ADGRF5: variants seen among roughly 807,000 people sequenced by gnomAD.
ADGRF5 encodes G-protein coupled receptor 116.
A neutral mutation model predicts 132.3 loss-of-function variants in ADGRF5; 75 were observed. The observed-to-expected ratio is 0.57, with a 90% CI of 0.47 to 0.69. The LOEUF is 0.69. Ranked by LOEUF, ADGRF5 falls within the 30% of genes least tolerant of loss-of-function variation. ADGRF5 has a pLI of 0.00. For missense variants in ADGRF5, 1,516 were observed against 1,630.6 expected, an observed-to-expected ratio of 0.93 and a Z score of 1.21; for synonymous variants, 629 against 597.6, an observed-to-expected ratio of 1.05 and a Z score of -0.77.
At chr6:46,860,952 C>A (rs1025462105) in intron 15 of ADGRF5, 58 bp from the exon 16 acceptor site, 4 of 1,354,980 alleles carry the variant, frequency 3.0e-6, no homozygotes, top group Admixed American at 4.3e-5. Flanking sequence ...GCTATCGAAT[C>A]CAGCTGATCC....
At chr6:46,889,542 C>CTA (rs1341319406) in intron 3 of ADGRF5, among the ~76,000 whole-genome samples, 19 of 116,906 alleles carry the variant, frequency 1.6e-4, no homozygotes, top group African/African-American at 5.9e-4. Flanking sequence ...TATATAGACA[C>CTA]TATATATATA....
At chr6:46,870,931 C>G (rs1326120009) in intron 11 of ADGRF5, 1 of 336,416 alleles carries the variant, frequency 3.0e-6, no homozygotes, top group East Asian at 1.1e-4. Context: ...TTTGTTAAAA[C>G]TAGGAATGCA....
At chr6:46,862,708 T>TTTTTTTTTTTTTTTTTTTTG in intron 15 of ADGRF5, among the ~76,000 whole-genome samples, 180 bp downstream of exon 15, 1 of 134,630 alleles carries the variant, frequency 7.4e-6, no homozygotes, top group African/African-American at 2.8e-5. Context: ...TGAGGCTTTT[T>TTTTTTTTTTTTTTTTTTTTG]TTTTTTTTTT....
chr6:46,880,025 A>G lies in ADGRF5; in HGVS notation c.829T>C (p.Phe277Leu). ...QAVTINESNF[F>L]VTPEIIFEGD... ...TCAAAGATGATTTCTGGTGTGACAA[A>G]GAAATTGCTTTCATCTGGAAACCCA... The change falls in exon 9 of 21, where the codon TTT (phenylalanine) becomes CTT (leucine). Residue 277 changes from phenylalanine to leucine, a missense_variant. Phe to Leu is a conservative substitution (Grantham distance 22). Around this residue, in one of 2 missense-constraint regions of ADGRF5, gnomAD observed 945 missense variants for 929.4 expected, o/e 1.02. Coordinates refer to ENST00000283296, the MANE Select transcript of ADGRF5 (RefSeq NM_001098518.2). The G allele has an allele frequency of 6.2e-7, 1 of 1,613,868 alleles. No individual in the cohort carries two copies. Among genetic ancestry groups the G allele is most frequent in the Non-Finnish European group, 8.5e-7 (1 of 1,179,740 alleles).
At chr6:46,861,119 T>A (rs554589475) in intron 15 of ADGRF5, among the ~76,000 whole-genome samples, 35 of 152,222 alleles carry the variant, frequency 2.3e-4, no homozygotes, top group Non-Finnish European at 4.6e-4. Flanking sequence ...AACAAATGTA[T>A]GTCAACCTGA....
At chr6:46,876,810 G>A (rs151182241) in intron 10 of ADGRF5, among the ~76,000 whole-genome samples, 108 of 152,232 alleles carry the variant, frequency 7.1e-4, no homozygotes, top group African/African-American at 2.6e-3. Flanking sequence ...TCACCGTGTT[G>A]GCCAGGCTCG....
rs1768635458 is a variant in ADGRF5, at chr6:46,852,825, T to C, written c.*1167A>G. 1 of 152,400 alleles carries C rather than the reference T, an allele frequency of 6.6e-6. No individual in the cohort carries two copies. Among genetic ancestry groups the C allele is most frequent in the Non-Finnish European group, 1.5e-5 (1 of 68,028 alleles). The allele number at this position is 152,400 out of a possible 1,614,324, so 9.4% of individuals were successfully genotyped here. ...ATGCAAAACTCTTAATGTATATTGG[T>C]CTGGGAACTTAAAGATGGAAACAGA... On this transcript the variant is annotated 3_prime_UTR_variant, in exon 21 of 21. Coordinates refer to ENST00000283296, the MANE Select transcript of ADGRF5 (RefSeq NM_001098518.2).
At chr6:46,943,351 A>G (rs1371999834) in intron 1 of ADGRF5, among the ~76,000 whole-genome samples, 1 of 152,204 alleles carries the variant, frequency 6.6e-6, no homozygotes, top group Non-Finnish European at 1.5e-5. Context: ...TTTTCCCAAT[A>G]TATGTATTCA....
chr6:46,887,400 GT>G (rs1349425395), intron 4 of ADGRF5, among the ~76,000 whole-genome samples: 2 of 152,158 alleles, frequency 1.3e-5, no homozygotes, highest in African/African-American at 4.8e-5. Flanking sequence ...CACAGCAGAA[GT>G]TCACTGCTCC....
chr6:46,904,687 T>C (rs979565391), intron 2 of ADGRF5, among the ~76,000 whole-genome samples: 18 of 152,302 alleles, frequency 1.2e-4, no homozygotes, highest in African/African-American at 4.1e-4. Context: ...TTCAAGATGT[T>C]AAATTTTATG....
intron 19 of ADGRF5, among the ~76,000 whole-genome samples, 191 bp from the exon 20 acceptor site, chr6:46,856,249 T>G (rs111344805): frequency 6.0e-4 from 92 of 152,332 alleles, no homozygotes; most frequent in African/African-American, 2.1e-3. Flanking sequence ...AATACAAGTT[T>G]TATTGTTTGT....
At chr6:46,949,261 G>T (rs1045623601) in intron 1 of ADGRF5, among the ~76,000 whole-genome samples, 3 of 152,178 alleles carry the variant, frequency 2.0e-5, no homozygotes, top group African/African-American at 7.2e-5. Context: ...GAAAGCAAAG[G>T]CATGCTGAGA....
intron 2 of ADGRF5, among the ~76,000 whole-genome samples, chr6:46,905,874 C>A (rs1775304868): frequency 6.6e-6 from 1 of 152,106 alleles, no homozygotes; most frequent in African/African-American, 2.4e-5. Context: ...TCTAGAGCAT[C>A]TTATAGATAT....
intron 3 of ADGRF5, among the ~76,000 whole-genome samples, chr6:46,890,510 G>C (rs1004014578): frequency 7.0e-6 from 1 of 141,846 alleles, no homozygotes; most frequent in Non-Finnish European, 1.5e-5. Flanking sequence ...TTGAGGTCAG[G>C]AGTTCGAGAC....
chr6:46,854,183 G>T, intron 20 of ADGRF5, 112 bp from the exon 21 acceptor site: 1 of 686,538 alleles, frequency 1.5e-6, no homozygotes, highest in Non-Finnish European at 2.4e-6. Context: ...AGGTAAGCTC[G>T]GCCATGCCTG....
At position 46,951,154 on chromosome 6, in the gene ADGRF5, A is replaced by G. The variant is rs550962877; in HGVS notation, c.-25+3580T>C. ...AGATTAAGGTGAACTTGAGTGGGTA[A>G]GAAATTACCAGCAGAAAACATTCAG... is the stretch of plus-strand genomic sequence containing the variant. On this transcript the variant is annotated intron_variant, in intron 1 of 20. Coordinates refer to the ADGRF5 transcript ENST00000265417. Among the ~76,000 whole-genome samples the G allele has an allele frequency of 3.3e-5, 5 of 152,354 alleles. No homozygotes were observed. The South Asian group carries it at 1.0e-3, about 32-fold the overall frequency.
chr6:46,863,341 T>G, intron 14 of ADGRF5: 1 of 574,604 alleles, frequency 1.7e-6, no homozygotes, highest in African/African-American at 1.8e-5. Flanking sequence ...TATACCTTCA[T>G]CTGGAGATTC....
At chr6:46,874,611 G>A (rs989642842) in intron 10 of ADGRF5, among the ~76,000 whole-genome samples, 19 of 152,162 alleles carry the variant, frequency 1.2e-4, no homozygotes, top group Non-Finnish European at 2.1e-4. Flanking sequence ...TAGAAATGGC[G>A]GCTGTAGTTC....
chr6:46,923,433 G>T (rs575280881), upstream of ADGRF5, among the ~76,000 whole-genome samples: 1 of 152,276 alleles, frequency 6.6e-6, no homozygotes, highest in South Asian at 2.1e-4. Context: ...GCAACCACCA[G>T]CAGGACTTAG....
Sources: gnomAD v4.1 joint callset for allele counts (sites outside exome capture counted in the v4.1 genomes callset) on GRCh38, gnomAD v4.1.1 for gene constraint, gnomAD v4.1.1 regional missense constraint, MANE v1.5 for transcripts, NCBI Gene and HGNC (gene_info 2026-07-23, HGNC 2026-07-21) for gene names.